WDPCP: variants seen among roughly 807,000 people sequenced by gnomAD.
WDPCP encodes WD repeat-containing and planar cell polarity effector protein fritz homolog.
A neutral mutation model predicts 93.1 loss-of-function variants in WDPCP; 71 were observed. The observed-to-expected ratio is 0.76, with a 90% CI of 0.63 to 0.93. The LOEUF (loss-of-function observed/expected upper bound fraction) is 0.93, where lower values mean the gene tolerates loss of function less well. Among genes scored for constraint, WDPCP ranks in the 40% least tolerant of loss-of-function variants. The pLI is 0.00. For synonymous variants in WDPCP, 315 were observed against 315.0 expected, an observed-to-expected ratio of 1.00 and a Z score of 0.00; for missense variants, 844 against 887.4, an observed-to-expected ratio of 0.95 and a Z score of 0.62.
At chr2:63,524,505 G>T (rs1703172803) in intron 1 of WDPCP, among the ~76,000 whole-genome samples, 2 of 152,160 alleles carry the variant, frequency 1.3e-5, no homozygotes, top group Non-Finnish European at 2.9e-5. Context: ...AATGGGGAAA[G>T]GACTCCCTAT....
At chr2:63,606,885 A>C (rs752663465) in intron 3 of WDPCP, 2 of 1,611,236 alleles carry the variant, frequency 1.2e-6, no homozygotes, top group Non-Finnish European at 1.7e-6. Flanking sequence ...AGTTTGTTGA[A>C]GGTCTCCCTA....
At position 63,120,143 on chromosome 2, in the gene WDPCP, C is replaced by A. The variant is rs1216219511; in HGVS notation, c.*1863G>T. Among the ~76,000 whole-genome samples the A allele has an allele frequency of 6.6e-6, 1 of 152,074 alleles. No individual in the cohort carries two copies. Among genetic ancestry groups the A allele is most frequent in the Non-Finnish European group, 1.5e-5 (1 of 68,010 alleles). ...GTTAATGACTATTTACCCGGAAAAT[C>A]TGGAGAAAATTCTGCAATCTTGACA... On this transcript the variant is annotated 3_prime_UTR_variant, in exon 18 of 18. Transcript: ENST00000272321.
rs535936496 is a variant in WDPCP at position 63,191,933 on chromosome 2, C to T, written c.1916-17101G>A. On this transcript the variant is annotated intron_variant, in intron 14 of 17. Coordinates refer to ENST00000272321, the MANE Select transcript of WDPCP (RefSeq NM_015910.7). ...CATATTGTCTAAGGCTGCTTTTGTA[C>T]TATAGTGTCGGAGTTGAGTAGTTGA... 9.8e-4 allele frequency among the ~76,000 whole-genome samples: 149 copies of T among 152,256 alleles called. 1 individual carries two copies. Among genetic ancestry groups the T allele is most frequent in the Non-Finnish European group, 1.8e-3 (123 of 68,010 alleles).
chr2:63,758,381 A>G (rs1221159229), intron 2 of WDPCP, among the ~76,000 whole-genome samples: 1 of 152,154 alleles, frequency 6.6e-6, no homozygotes, highest in African/African-American at 2.4e-5. Flanking sequence ...ATGACTGCTT[A>G]GCTTTTAATT....
At chr2:63,564,656 T>C (rs1161090689) in intron 1 of WDPCP, 1 of 152,206 alleles carries the variant, frequency 6.6e-6, no homozygotes, top group Non-Finnish European at 1.5e-5. Context: ...AAAATTTCGT[T>C]ATTCAAAATT....
intron 2 of WDPCP, among the ~76,000 whole-genome samples, chr2:63,683,763 C>T (rs142863992): frequency 4.0e-5 from 6 of 151,852 alleles, no homozygotes; most frequent in Non-Finnish European, 7.4e-5. Flanking sequence ...GCAGGAAAAT[C>T]GCTTGAACCC....
intron 2 of WDPCP, among the ~76,000 whole-genome samples, chr2:63,681,116 T>C (rs368186452): frequency 4.2e-4 from 64 of 152,202 alleles, no homozygotes; most frequent in African/African-American, 1.4e-3. Context: ...CATTCCCAGC[T>C]GCATTAACTA....
At chr2:63,546,280 CAG>C (rs2106330815) in intron 1 of WDPCP, among the ~76,000 whole-genome samples, 1 of 152,284 alleles carries the variant, frequency 6.6e-6, no homozygotes, top group East Asian at 1.9e-4. Context: ...ATAGATAACT[CAG>C]AGCCTTTAAT....
At chr2:63,667,710 A>G (rs72806082) in intron 2 of WDPCP, among the ~76,000 whole-genome samples, 29,057 of 152,074 alleles carry the variant, frequency 0.19, 3,626 homozygotes, top group Non-Finnish European at 0.25. Flanking sequence ...CAGGGAATAT[A>G]TAGGGATAGG....
chr2:63,509,292 C>T (rs1702074138), intron 1 of WDPCP, among the ~76,000 whole-genome samples: 1 of 152,128 alleles, frequency 6.6e-6, no homozygotes, highest in Admixed American at 6.5e-5. Flanking sequence ...CTCAAAACCG[C>T]ACAACTACAT....
intron 10 of WDPCP, among the ~76,000 whole-genome samples, chr2:63,391,931 A>G (rs1693286835): frequency 6.6e-6 from 1 of 152,224 alleles, no homozygotes. Flanking sequence ...GGATAGGAAG[A>G]ATCAATATCG....
chr2:63,303,867 CAT>C (rs773442512), intron 13 of WDPCP, among the ~76,000 whole-genome samples: 106 of 149,584 alleles, frequency 7.1e-4, no homozygotes, highest in Non-Finnish European at 1.3e-3. Context: ...AGTCAATAAA[CAT>C]ATGAAAAAAT....
intron 13 of WDPCP, among the ~76,000 whole-genome samples, chr2:63,305,095 G>A (rs1031184778): frequency 1.3e-5 from 2 of 152,164 alleles, no homozygotes; most frequent in Admixed American, 6.5e-5. Context: ...AGCAGCCCCA[G>A]TCAGGGGCTT....
rs947201010 is a variant in WDPCP at position 63,246,978 on chromosome 2, G to A, written c.1915+12329C>T. 9.2e-5 allele frequency among the ~76,000 whole-genome samples: 14 copies of A among 152,274 alleles called. No individual in the cohort carries two copies. In the East Asian group the frequency reaches 2.7e-3, roughly 29 times the overall value. On this transcript the variant is annotated intron_variant, in intron 14 of 17. Transcript: ENST00000272321. ...TGCCTGGAAGTGACACTGTGAAAAT[G>A]TGTGATGGGCTTATTGAAAGACTAG...
chr2:63,143,366 A>G (rs1255533460), intron 17 of WDPCP, among the ~76,000 whole-genome samples: 1 of 152,182 alleles, frequency 6.6e-6, no homozygotes, highest in Non-Finnish European at 1.5e-5. Flanking sequence ...GTGAGTTCTT[A>G]TCCATTCTGT....
intron 12 of WDPCP, among the ~76,000 whole-genome samples, chr2:63,313,879 TA>T (rs1686395103): frequency 2.7e-5 from 2 of 73,410 alleles, no homozygotes; most frequent in Non-Finnish European, 6.4e-5. Flanking sequence ...TATATATATA[TA>T]TATATATTTT....
At chr2:63,272,543 A>G (rs1682746100) in intron 13 of WDPCP, among the ~76,000 whole-genome samples, 1 of 152,250 alleles carries the variant, frequency 6.6e-6, no homozygotes, top group Non-Finnish European at 1.5e-5. Context: ...GATTCAAAAT[A>G]AAAATGTTAA....
At chr2:63,657,753 T>C (rs1355917352) in intron 2 of WDPCP, among the ~76,000 whole-genome samples, 2 of 152,020 alleles carry the variant, frequency 1.3e-5, no homozygotes, top group South Asian at 2.1e-4. Flanking sequence ...TGTTTGTAAA[T>C]AGAAAAAAGT....
At chr2:63,457,442 T>A (rs1043891792) in intron 6 of WDPCP, among the ~76,000 whole-genome samples, 9 of 152,184 alleles carry the variant, frequency 5.9e-5, no homozygotes, top group African/African-American at 2.2e-4. Context: ...GAATTCACCC[T>A]AACTCATTCT....
Sources: gnomAD v4.1 joint callset for allele counts (sites outside exome capture counted in the v4.1 genomes callset) on GRCh38, gnomAD v4.1.1 for gene constraint, MANE v1.5 for transcripts, NCBI Gene and HGNC (gene_info 2026-07-23, HGNC 2026-07-21) for gene names.